TRMT6: variants seen among roughly 807,000 people sequenced by gnomAD.
TRMT6 encodes the protein tRNA (adenine(58)-N(1))-methyltransferase non-catalytic subunit TRM6.
Under a neutral mutation model 59.0 loss-of-function variants are expected in TRMT6, and 34 were observed. The observed-to-expected ratio is 0.58, with a 90% CI of 0.44 to 0.77. TRMT6 has a LOEUF of 0.77. Among genes scored for constraint, TRMT6 ranks in the 30% least tolerant of loss-of-function variants. The probability of loss-of-function intolerance (pLI) is 0.00; values close to 1 mark genes in which losing one functional copy is unlikely to be tolerated. For missense variants in TRMT6, 575 were observed against 604.5 expected, an observed-to-expected ratio of 0.95 and a Z score of 0.51; for synonymous variants, 217 against 210.5, an observed-to-expected ratio of 1.03 and a Z score of -0.27.
intron 6 of TRMT6, 115 bp downstream of exon 6, chr20:5,943,444 T>G (rs914058939): frequency 2.2e-6 from 3 of 1,392,072 alleles, no homozygotes; most frequent in Non-Finnish European, 3.0e-6. Context: ...TTCACCCAAG[T>G]CACTTTGTTA....
At chr20:5,943,320 C>T (rs1181440396) in intron 6 of TRMT6, among the ~76,000 whole-genome samples, 1 of 152,146 alleles carries the variant, frequency 6.6e-6, no homozygotes, top group African/African-American at 2.4e-5. Context: ...AGCATCATGC[C>T]CACTGACAGT....
At chr20:5,946,666 A>G in intron 1 of TRMT6, 133 bp from the exon 2 acceptor site, 1 of 802,286 alleles carries the variant, frequency 1.2e-6, no homozygotes, top group African/African-American at 1.7e-5. Flanking sequence ...ACATAAAGCA[A>G]CAAAGGAACT....
intron 6 of TRMT6, 54 bp downstream of exon 6, chr20:5,943,505 C>G: frequency 6.2e-7 from 1 of 1,606,086 alleles, no homozygotes; most frequent in Non-Finnish European, 8.5e-7. Context: ...TTTTGGACCA[C>G]CTTTACTCAC....
At chr20:5,947,594 A>G (rs1181606144) in intron 1 of TRMT6, among the ~76,000 whole-genome samples, 4 of 152,252 alleles carry the variant, frequency 2.6e-5, no homozygotes, top group Non-Finnish European at 5.9e-5. Flanking sequence ...TAAGTGATTC[A>G]GATATGGCCA....
At chr20:5,943,763 G>A (rs896334589) in intron 5 of TRMT6, 80 bp from the exon 6 acceptor site, 25 of 1,555,776 alleles carry the variant, frequency 1.6e-5, no homozygotes, top group African/African-American at 2.8e-5. Flanking sequence ...AGTTTTGTTT[G>A]CTTTATTAAA....
intron 10 of TRMT6, among the ~76,000 whole-genome samples, chr20:5,940,282 CAT>C (rs1437331163): frequency 6.6e-6 from 1 of 152,204 alleles, no homozygotes; most frequent in African/African-American, 2.4e-5. Context: ...TCCATCTTAG[CAT>C]ATGTCTTCCA....
chr20:5,950,020 G>T (rs73894092), intron 1 of TRMT6, among the ~76,000 whole-genome samples: 2,099 of 152,264 alleles, frequency 0.014, 45 homozygotes, highest in African/African-American at 0.043. Flanking sequence ...TGCTGAAGGT[G>T]GACGGCCAGA....
intron 9 of TRMT6, 36 bp from the exon 10 acceptor site, chr20:5,941,175 T>C (rs1244144721): frequency 6.2e-7 from 1 of 1,609,098 alleles, no homozygotes; most frequent in Admixed American, 1.7e-5. Context: ...AAGAACTACT[T>C]CCTGGGATGC....
At chr20:5,940,142 C>A (rs2088643480) in intron 10 of TRMT6, among the ~76,000 whole-genome samples, 1 of 152,234 alleles carries the variant, frequency 6.6e-6, no homozygotes, top group Non-Finnish European at 1.5e-5. Flanking sequence ...AGCAGCACTG[C>A]AGGCTCTTCC....
intron 1 of TRMT6, among the ~76,000 whole-genome samples, chr20:5,947,802 T>C (rs1245476389): frequency 3.3e-5 from 5 of 152,104 alleles, no homozygotes. Context: ...ACACTTGTAA[T>C]CCCAGAACTG....
intron 1 of TRMT6, among the ~76,000 whole-genome samples, chr20:5,948,776 C>A (rs548064108): frequency 2.0e-5 from 3 of 151,948 alleles, no homozygotes; most frequent in Non-Finnish European, 4.4e-5. Flanking sequence ...AGAAACATAC[C>A]CCTCATAAAA....
intron 10 of TRMT6, among the ~76,000 whole-genome samples, chr20:5,940,032 A>G (rs117440958): frequency 0.031 from 4,759 of 152,306 alleles, 103 homozygotes; most frequent in Middle Eastern, 0.095. Context: ...GTAACTGAGC[A>G]TGGGTACCAG....
rs1363285485 is a variant in TRMT6 at position 5,944,895 on chromosome 20, A to C, written c.276T>G (p.Thr92=). The C allele has an allele frequency of 1.9e-6, 3 of 1,613,588 alleles. No individual in the cohort carries two copies. Among genetic ancestry groups the C allele is most frequent in the Non-Finnish European group, 2.5e-6 (3 of 1,179,514 alleles). ...EPTAETKEAG[T]DNRNIVDDGK... ...CATCATCAACTATATTTCGATTATC[A>C]GTGCCCGCTTCTTTAGTCTCTAAGG... Residue 92 remains threonine, a synonymous_variant, in exon 3 of 11, where the codon ACT becomes ACG. Coordinates refer to ENST00000203001, the MANE Select transcript of TRMT6 (RefSeq NM_015939.5).
At position 5,938,552 on chromosome 20, in the gene TRMT6, G is replaced by A; in HGVS notation, c.1477C>T (p.Pro493Ser). The A allele has an allele frequency of 6.2e-7, 1 of 1,614,040 alleles. No homozygotes were observed. Among genetic ancestry groups the A allele is most frequent in the African/African-American group, 1.3e-5 (1 of 74,998 alleles). The stretch of plus-strand genomic sequence containing the variant: ...CAAAAGGGTTAAGAGTCAGACTCTG[G>A]GCATTTTCGTTTTTTAGCTGCAGGC... ...EEPAAKKRKC[P>S]ESDS Residue 493 changes from proline (P) to serine (S), a missense_variant, in exon 11 of 11, where the codon CCA (proline) becomes TCA (serine). Coordinates refer to ENST00000203001, the MANE Select transcript of TRMT6 (RefSeq NM_015939.5).
At chr20:5,948,073 T>G (rs1319054419) in intron 1 of TRMT6, among the ~76,000 whole-genome samples, 3 of 151,918 alleles carry the variant, frequency 2.0e-5, no homozygotes, top group Non-Finnish European at 4.4e-5. Context: ...TGAGCCAAGT[T>G]CACGCCACTA....
intron 1 of TRMT6, among the ~76,000 whole-genome samples, chr20:5,950,010 T>C (rs962524977): frequency 6.6e-6 from 1 of 152,024 alleles, no homozygotes; most frequent in Non-Finnish European, 1.5e-5. Context: ...CTGAAAAGGA[T>C]GCTGAAGGTG....
In TRMT6 at chr20:5,950,512, C is replaced by T. The variant is rs113708528; in HGVS notation, c.-107G>A. The T allele has an allele frequency of 4.7e-6, 6 of 1,281,140 alleles. No homozygotes were observed. Among genetic ancestry groups the T allele is most frequent in the Middle Eastern group, 2.7e-4 (1 of 3,706 alleles). The allele number at this position is 1,281,140 out of a possible 1,614,324, so 79.4% of individuals were successfully genotyped here. ...CCTGGCGCACTAGGAGCCCTCCGAC[C>T]GGCACCGCCCCCACGTGTTGCACGC... On this transcript the variant is annotated 5_prime_UTR_variant, in exon 1 of 11. Coordinates refer to ENST00000203001, the MANE Select transcript of TRMT6 (RefSeq NM_015939.5).
intron 10 of TRMT6, among the ~76,000 whole-genome samples, chr20:5,939,112 C>T (rs553628192): frequency 1.4e-4 from 22 of 152,156 alleles, no homozygotes; most frequent in African/African-American, 5.3e-4. Context: ...TTTAAATGGA[C>T]CAACTTCTAA....
Position 5,939,673 on chromosome 20 carries a change from C to T in TRMT6, c.1303-947G>A, listed in dbSNP as rs540888633. On this transcript the variant is annotated intron_variant, in intron 10 of 10. Transcript: ENST00000203001. ...TCATGGCCAATAATGGAGCTTGGGT[C>T]TATGGAGAAGTTGCTACTGAATGTA... Among the ~76,000 whole-genome samples the T allele has an allele frequency of 2.6e-4, 39 of 152,112 alleles. No homozygotes were observed. In the East Asian group the frequency reaches 5.4e-3, roughly 21 times the overall value.
Sources: gnomAD v4.1 joint callset for allele counts (sites outside exome capture counted in the v4.1 genomes callset) on GRCh38, gnomAD v4.1.1 for gene constraint, MANE v1.5 for transcripts, NCBI Gene and HGNC (gene_info 2026-07-23, HGNC 2026-07-21) for gene names.